Variants in CAMK2D observed in about 807,000 individuals in gnomAD.
The protein encoded by CAMK2D is calcium/calmodulin-dependent protein kinase type II subunit delta.
In CAMK2D, 37 loss-of-function variants were observed where a neutral mutation model predicts 84.0. The ratio of observed to expected loss-of-function variants is 0.44; its 90% CI spans 0.34 to 0.58. The LOEUF is 0.58. Among genes scored for constraint, CAMK2D ranks in the 20% least tolerant of loss-of-function variants. The pLI is 0.02. For missense variants in CAMK2D, 448 were observed against 652.5 expected, an observed-to-expected ratio of 0.69 and a Z score of 3.41; for synonymous variants, 202 against 212.5, an observed-to-expected ratio of 0.95 and a Z score of 0.43.
chr4:113,526,069 A>G (rs1478540128), intron 8 of CAMK2D, among the ~76,000 whole-genome samples: 1 of 152,222 alleles, frequency 6.6e-6, no homozygotes, highest in African/African-American at 2.4e-5. Flanking sequence ...AAACAATTCC[A>G]AATCCCACAA....
intron 2 of CAMK2D, among the ~76,000 whole-genome samples, chr4:113,710,880 C>T (rs1270561610): frequency 6.6e-6 from 1 of 152,140 alleles, no homozygotes; most frequent in African/African-American, 2.4e-5. Flanking sequence ...AAGTACACAA[C>T]TTCAATAGTA....
intron 4 of CAMK2D, among the ~76,000 whole-genome samples, chr4:113,575,854 T>A (rs569158604): frequency 1.3e-5 from 2 of 152,218 alleles, no homozygotes; most frequent in African/African-American, 4.8e-5. Flanking sequence ...CCTCAGTGAA[T>A]ATATTTGTTG....
intron 16 of CAMK2D, among the ~76,000 whole-genome samples, chr4:113,475,307 A>C (rs752156879): frequency 1.3e-5 from 2 of 148,932 alleles, no homozygotes; most frequent in Non-Finnish European, 3.0e-5. Flanking sequence ...CCAAATAAGC[A>C]TCATATCCCT....
intron 5 of CAMK2D, among the ~76,000 whole-genome samples, chr4:113,551,234 T>A (rs1271201129): frequency 6.6e-6 from 1 of 152,170 alleles, no homozygotes; most frequent in Non-Finnish European, 1.5e-5. Flanking sequence ...TTAATGTTAC[T>A]CCACTCCAAA....
At chr4:113,729,130 C>T (rs574991468) in intron 2 of CAMK2D, among the ~76,000 whole-genome samples, 2 of 152,294 alleles carry the variant, frequency 1.3e-5, no homozygotes, top group Admixed American at 6.5e-5. Context: ...AAACAACCTC[C>T]CGCCTAAGTC....
intron 16 of CAMK2D, among the ~76,000 whole-genome samples, chr4:113,492,583 AGGTGT>A (rs1277815641): frequency 5.3e-5 from 8 of 151,966 alleles, no homozygotes; most frequent in South Asian, 4.2e-4. Context: ...ATTTTGGAAT[AGGTGT>A]GGTGTGGTGC....
intron 3 of CAMK2D, among the ~76,000 whole-genome samples, chr4:113,655,451 T>C (rs895234029): frequency 1.3e-5 from 2 of 152,038 alleles, no homozygotes; most frequent in Admixed American, 1.3e-4. Flanking sequence ...AAAGACTAGA[T>C]TCAAAAGGTT....
At chr4:113,482,736 T>C (rs902026038) in intron 16 of CAMK2D, among the ~76,000 whole-genome samples, 7 of 152,244 alleles carry the variant, frequency 4.6e-5, no homozygotes, top group Admixed American at 2.0e-4. Flanking sequence ...ATTTTAAATT[T>C]TGTTCTAATC....
intron 2 of CAMK2D, among the ~76,000 whole-genome samples, chr4:113,679,812 C>G (rs1393074676): frequency 2.6e-5 from 4 of 151,940 alleles, no homozygotes; most frequent in Non-Finnish European, 5.9e-5. Flanking sequence ...CAAAGATAAG[C>G]AAATCTAAAC....
intron 2 of CAMK2D, among the ~76,000 whole-genome samples, chr4:113,725,826 G>A (rs576633125): frequency 6.6e-6 from 1 of 152,070 alleles, no homozygotes; most frequent in East Asian, 1.9e-4. Flanking sequence ...ATGTTAAATG[G>A]ACACTAAATT....
intron 16 of CAMK2D, among the ~76,000 whole-genome samples, chr4:113,470,085 A>G (rs2154116969): frequency 6.6e-6 from 1 of 151,728 alleles, no homozygotes. Context: ...AAACCTTCTC[A>G]CTGCTCTCAG....
intron 2 of CAMK2D, among the ~76,000 whole-genome samples, chr4:113,689,264 G>A (rs930428421): frequency 6.6e-6 from 1 of 151,984 alleles, no homozygotes; most frequent in African/African-American, 2.4e-5. Context: ...TGGTTAAAAG[G>A]ATAAATTAGA....
chr4:113,608,913 C>T (rs997744799), intron 4 of CAMK2D, among the ~76,000 whole-genome samples: 4 of 152,044 alleles, frequency 2.6e-5, no homozygotes, highest in African/African-American at 9.7e-5. Context: ...ACGGACAATG[C>T]AAAGAGAAAT....
At chr4:113,633,922 T>G (rs2099100294) in intron 3 of CAMK2D, among the ~76,000 whole-genome samples, 1 of 152,230 alleles carries the variant, frequency 6.6e-6, no homozygotes, top group African/African-American at 2.4e-5. Context: ...AAGAATTAGG[T>G]TCAAAAACTT....
intron 16 of CAMK2D, among the ~76,000 whole-genome samples, chr4:113,498,384 C>T (rs2097973519): frequency 6.6e-6 from 1 of 152,144 alleles, no homozygotes; most frequent in Non-Finnish European, 1.5e-5. Flanking sequence ...TTTCTGATAT[C>T]ATTCAATATT....
At chr4:113,651,009 C>T (rs953056331) in intron 3 of CAMK2D, among the ~76,000 whole-genome samples, 1 of 152,180 alleles carries the variant, frequency 6.6e-6, no homozygotes, top group African/African-American at 2.4e-5. Context: ...AATAGCCCAT[C>T]ACTAAAAACT....
At chr4:113,472,442 T>C (rs2097558089) in intron 16 of CAMK2D, among the ~76,000 whole-genome samples, 1 of 152,370 alleles carries the variant, frequency 6.6e-6, no homozygotes, top group African/African-American at 2.4e-5. Context: ...TAGCAGCAGA[T>C]TTAATCTTAA....
At chr4:113,744,676 C>T (rs10488961) in intron 2 of CAMK2D, among the ~76,000 whole-genome samples, 47,597 of 152,002 alleles carry the variant, frequency 0.31, 9,465 homozygotes, top group Admixed American at 0.48. Flanking sequence ...ATTATCATAG[C>T]CGCAAAATTG....
At chr4:113,644,997 G>T (rs116484513) in intron 3 of CAMK2D, among the ~76,000 whole-genome samples, 3,011 of 152,060 alleles carry the variant, frequency 0.02, 103 homozygotes, top group African/African-American at 0.067. Context: ...AGAATTTTTT[G>T]TTGTTGTTGT....
Sources: allele counts gnomAD v4.1 joint callset (sites outside exome capture counted in the v4.1 genomes callset), GRCh38; gene constraint gnomAD v4.1.1; transcripts MANE v1.5; gene names NCBI Gene and HGNC (gene_info 2026-07-23, HGNC 2026-07-21).